The following ARL15 variants were observed in gnomAD, a reference collection of about 807,000 sequenced individuals.
The protein encoded by ARL15 is ADP-ribosylation factor-like protein 15.
A neutral mutation model predicts 25.2 loss-of-function variants in ARL15; 19 were observed. The observed-to-expected ratio is 0.75, with a 90% confidence interval of 0.53 to 1.10. ARL15 has a LOEUF of 1.10. Ranked by LOEUF, ARL15 falls within the 50% of genes least tolerant of loss-of-function variation. The pLI is 0.00. For missense variants in ARL15, 220 were observed against 246.0 expected (o/e 0.89, Z 0.71); for synonymous variants, 94 against 86.8 (o/e 1.08, Z -0.46).
chr5:54,263,316 G>A (rs2112626944), intron 1 of ARL15, among the ~76,000 whole-genome samples: 1 of 152,208 alleles, frequency 6.6e-6, no homozygotes, highest in African/African-American at 2.4e-5. Context: ...GAATCTCCCA[G>A]TTAACCACTG....
Position 53,886,327 on chromosome 5 carries a change from T to G in ARL15, c.*234A>C. ...AGGAAGAGACATGCGGGGAAGATAA[T>G]TAGTGGTAAACAGAGAATAAATTCT... On this transcript the variant is annotated 3_prime_UTR_variant, in exon 5 of 5. Coordinates refer to ENST00000504924, the MANE Select transcript of ARL15 (RefSeq NM_019087.3). 2.3e-6 allele frequency: 1 copy of G among 438,002 alleles called. No individual in the cohort carries two copies. Among genetic ancestry groups the G allele is most frequent in the Non-Finnish European group, 4.0e-6 (1 of 247,762 alleles). The allele number at this position is 438,002 out of a possible 1,614,324, so 27.1% of individuals were successfully genotyped here.
chr5:54,094,371 G>T (rs1488000621), intron 4 of ARL15, among the ~76,000 whole-genome samples: 1 of 150,094 alleles, frequency 6.7e-6, no homozygotes. Flanking sequence ...CAATATTAAA[G>T]ATTTTTGATT....
intron 1 of ARL15, among the ~76,000 whole-genome samples, chr5:54,252,359 C>G (rs1002257697): frequency 6.6e-6 from 1 of 152,170 alleles, no homozygotes. Context: ...AAAATAGCAT[C>G]AAGAAAGTTC....
At chr5:53,939,543 T>A (rs1040822238) in intron 4 of ARL15, among the ~76,000 whole-genome samples, 2 of 152,130 alleles carry the variant, frequency 1.3e-5, no homozygotes, top group East Asian at 3.9e-4. Flanking sequence ...AACACCATGC[T>A]GGCCAACATG....
intron 4 of ARL15, among the ~76,000 whole-genome samples, chr5:53,939,514 A>G (rs1348150143): frequency 6.6e-6 from 1 of 151,398 alleles, no homozygotes; most frequent in African/African-American, 2.4e-5. Context: ...AGGTGGGTGG[A>G]TCATGAGGTC....
At chr5:54,073,149 G>A (rs1418168237) in intron 4 of ARL15, among the ~76,000 whole-genome samples, 1 of 152,168 alleles carries the variant, frequency 6.6e-6, no homozygotes, top group Non-Finnish European at 1.5e-5. Flanking sequence ...ATTATAGAAC[G>A]ACATGTCAGT....
rs774608441 is a variant in ARL15, at chr5:54,125,075, G to GTTT, written c.254-11668_254-11666dup. ...TTCTGGTAAGCAAGTTTTTTGTTTT[G>GTTT]TTTTGTTTTGTTTTTTTTTTTTTTG... On this transcript the variant is annotated intron_variant, in intron 3 of 4. Coordinates refer to ENST00000504924, the MANE Select transcript of ARL15 (RefSeq NM_019087.3). Among the ~76,000 whole-genome samples the GTTT allele has an allele frequency of 1.0e-3, 136 of 134,968 alleles. 6 individuals are homozygous for GTTT. The highest frequency in any genetic ancestry group is 4.0e-3 in the Middle Eastern group (1 of 248). The allele number at this position is 134,968 out of a possible 152,430, so 88.5% of individuals were successfully genotyped here.
intron 1 of ARL15, among the ~76,000 whole-genome samples, chr5:54,270,072 T>C (rs1291070003): frequency 6.6e-6 from 1 of 152,246 alleles, no homozygotes; most frequent in Non-Finnish European, 1.5e-5. Flanking sequence ...GGAATAGAAG[T>C]TTAGCGACTG....
At position 53,896,157 on chromosome 5, in the gene ARL15, C is replaced by A. The variant is rs1046106898; in HGVS notation, c.463-9444G>T. 5.3e-5 allele frequency among the ~76,000 whole-genome samples: 8 copies of A among 152,108 alleles called. No individual in the cohort carries two copies. The South Asian group carries it at 1.7e-3, about 32-fold the overall frequency. On this transcript the variant is annotated intron_variant, in intron 4 of 4. Transcript: ENST00000504924. ...CAAGTGATTCTTGTGCCTCAGCCAACCGAGTAGCTGGGCTTATAGGTGTGC... is the reference window on the plus strand; with the variant it reads ...CAAGTGATTCTTGTGCCTCAGCCAAACGAGTAGCTGGGCTTATAGGTGTGC...
At chr5:53,990,163 T>C (rs1236667638) in intron 4 of ARL15, among the ~76,000 whole-genome samples, 1 of 151,854 alleles carries the variant, frequency 6.6e-6, no homozygotes, top group Non-Finnish European at 1.5e-5. Flanking sequence ...AGGTCGTCTA[T>C]AGTGAGCTAG....
At chr5:53,931,190 C>T (rs3797281) in intron 4 of ARL15, among the ~76,000 whole-genome samples, 1 of 151,902 alleles carries the variant, frequency 6.6e-6, no homozygotes, top group African/African-American at 2.4e-5. Context: ...TATGAAAAAA[C>T]GCAGGGAAAA....
At chr5:54,035,115 G>A (rs1750130040) in intron 4 of ARL15, among the ~76,000 whole-genome samples, 1 of 151,924 alleles carries the variant, frequency 6.6e-6, no homozygotes, top group African/African-American at 2.4e-5. Flanking sequence ...AAAAAAACCT[G>A]TCAGTTATTT....
intron 4 of ARL15, among the ~76,000 whole-genome samples, chr5:53,998,602 T>A (rs1246783694): frequency 1.3e-5 from 2 of 152,220 alleles, no homozygotes; most frequent in East Asian, 3.9e-4. Flanking sequence ...AGGTTAGAGA[T>A]GCAAAAGAAT....
chr5:54,136,465 A>G (rs1753605905), intron 3 of ARL15, among the ~76,000 whole-genome samples: 1 of 152,234 alleles, frequency 6.6e-6, no homozygotes. Flanking sequence ...AGTCTGTATC[A>G]TTAATCATAT....
chr5:54,122,929 G>A (rs1753127413), intron 3 of ARL15, among the ~76,000 whole-genome samples: 1 of 151,998 alleles, frequency 6.6e-6, no homozygotes, highest in Non-Finnish European at 1.5e-5. Flanking sequence ...TCATCACTGT[G>A]TCTCCAGTAT....
chr5:54,034,651 C>T (rs540493817), intron 4 of ARL15, among the ~76,000 whole-genome samples: 3 of 152,014 alleles, frequency 2.0e-5, no homozygotes, highest in South Asian at 2.1e-4. Context: ...TAAAGAAATA[C>T]ACTTAAAAAC....
At chr5:54,026,010 T>G (rs1436488928) in intron 4 of ARL15, among the ~76,000 whole-genome samples, 1 of 152,182 alleles carries the variant, frequency 6.6e-6, no homozygotes, top group Non-Finnish European at 1.5e-5. Flanking sequence ...CAAGAAAACC[T>G]AAATACATTT....
At chr5:54,285,744 G>A (rs887693758) in intron 1 of ARL15, among the ~76,000 whole-genome samples, 1 of 152,106 alleles carries the variant, frequency 6.6e-6, no homozygotes, top group Non-Finnish European at 1.5e-5. Flanking sequence ...AAACCCCTTC[G>A]AATGAGGCCC....
At chr5:53,926,002 T>C (rs945925861) in intron 4 of ARL15, among the ~76,000 whole-genome samples, 17 of 78,770 alleles carry the variant, frequency 2.2e-4, no homozygotes, top group East Asian at 1.8e-3. Context: ...TCTTTCTTTT[T>C]TTTTTTTTTT....
Sources: gnomAD v4.1 joint callset for allele counts (sites outside exome capture counted in the v4.1 genomes callset) on GRCh38, gnomAD v4.1.1 for gene constraint, MANE v1.5 for transcripts, NCBI Gene and HGNC (gene_info 2026-07-23, HGNC 2026-07-21) for gene names.